Variants in KCNAB1 observed in about 807,000 individuals in gnomAD.
KCNAB1 encodes the protein potassium voltage-gated channel subfamily A regulatory beta subunit 1, also known as voltage-gated potassium channel subunit beta-1.
Under a neutral mutation model 64.6 loss-of-function variants are expected in KCNAB1, and 35 were observed. That is an observed-to-expected ratio of 0.54 (90% CI 0.41 to 0.72). The LOEUF is 0.72. Among genes scored for constraint, KCNAB1 ranks in the 30% least tolerant of loss-of-function variants. The pLI is 0.00. For missense variants in KCNAB1, 401 were observed against 512.9 expected (o/e 0.78, Z 2.11); for synonymous variants, 177 against 183.8 (o/e 0.96, Z 0.30).
intron 1 of KCNAB1, among the ~76,000 whole-genome samples, chr3:156,222,586 ATATATT>A (rs1467527162): frequency 6.6e-6 from 1 of 152,190 alleles, no homozygotes; most frequent in African/African-American, 2.4e-5. Context: ...GACTCAACAG[ATATATT>A]TATAGAACAT....
intron 1 of KCNAB1, among the ~76,000 whole-genome samples, chr3:156,184,099 G>A (rs1019274704): frequency 6.6e-6 from 1 of 152,120 alleles, no homozygotes; most frequent in African/African-American, 2.4e-5. Context: ...TACTATTATT[G>A]TACAAGTGGT....
chr3:156,382,036 G>A (rs899663106), intron 1 of KCNAB1: 10 of 152,294 alleles, frequency 6.6e-5, no homozygotes, highest in African/African-American at 2.4e-4. Context: ...CTGAAGAGCT[G>A]TGTGGCCCTA....
chr3:156,349,358 A>T (rs1724706471), intron 1 of KCNAB1, among the ~76,000 whole-genome samples: 1 of 152,184 alleles, frequency 6.6e-6, no homozygotes, highest in Non-Finnish European at 1.5e-5. Flanking sequence ...TAAACAGTTC[A>T]GTACAACTCC....
intron 1 of KCNAB1, among the ~76,000 whole-genome samples, chr3:156,234,948 A>G (rs1716764012): frequency 6.6e-6 from 1 of 152,074 alleles, no homozygotes; most frequent in Admixed American, 6.5e-5. Context: ...GTTAAATGTG[A>G]ATTTTCTAGT....
Position 156,241,917 on chromosome 3 carries a change from T to C in KCNAB1, c.275+121031T>C, listed in dbSNP as rs184475722. Among the ~76,000 whole-genome samples the C allele has an allele frequency of 9.8e-5, 15 of 152,322 alleles. 1 individual carries two copies. Among genetic ancestry groups the C allele is most frequent in the Admixed American group, 9.1e-4 (14 of 15,302 alleles). ...AACTGATTGGCTGGATCAAGTTATA[T>C]GTTGGAAATAATTTACCACTTCAGA... On this transcript the variant is annotated intron_variant, in intron 1 of 13. Coordinates refer to ENST00000490337, the MANE Select transcript of KCNAB1 (RefSeq NM_172160.3).
chr3:156,336,217 C>T (rs927149675), intron 1 of KCNAB1, among the ~76,000 whole-genome samples: 1 of 151,160 alleles, frequency 6.6e-6, no homozygotes, highest in African/African-American at 2.4e-5. Flanking sequence ...ACAAATTTAG[C>T]CAGATGTGGT....
At chr3:156,284,552 T>G (rs1389524590) in intron 1 of KCNAB1, among the ~76,000 whole-genome samples, 10 of 152,154 alleles carry the variant, frequency 6.6e-5, no homozygotes, top group South Asian at 4.2e-4. Flanking sequence ...AATGGCGGGC[T>G]CCCCTCCCCC....
rs1040497722 is a variant in KCNAB1 at position 156,209,719 on chromosome 3, A to G, written c.275+88833A>G. ...AAGGAAGTATGTTGTGTGGGGGCTG[A>G]CAAACATGCTCAATATTGGTGTGTC... is the stretch of plus-strand genomic sequence containing the variant. On this transcript the variant is annotated intron_variant, in intron 1 of 13. Coordinates refer to ENST00000490337, the MANE Select transcript of KCNAB1 (RefSeq NM_172160.3). Among the ~76,000 whole-genome samples, 7 of 152,354 alleles carry G rather than the reference A, an allele frequency of 4.6e-5. No individual in the cohort carries two copies. The South Asian group carries it at 6.2e-4, about 14-fold the overall frequency.
intron 1 of KCNAB1, among the ~76,000 whole-genome samples, chr3:156,234,796 A>C (rs1216682441): frequency 6.6e-6 from 1 of 152,192 alleles, no homozygotes; most frequent in Non-Finnish European, 1.5e-5. Context: ...AGTTAGATGT[A>C]TACAGAGTTA....
chr3:156,330,251 G>A (rs137958772), intron 1 of KCNAB1, among the ~76,000 whole-genome samples: 119 of 152,166 alleles, frequency 7.8e-4, no homozygotes, highest in African/African-American at 2.7e-3. Context: ...TCAGCTAAAT[G>A]CATATCCTTA....
rs536503139 is a variant in KCNAB1, at chr3:156,297,471, A to G, written c.276-124145A>G. Among the ~76,000 whole-genome samples, 12 of 151,780 alleles carry G rather than the reference A, an allele frequency of 7.9e-5. No individual in the cohort carries two copies. In the East Asian group the frequency reaches 2.1e-3, roughly 27 times the overall value. On this transcript the variant is annotated intron_variant, in intron 1 of 13. Transcript: ENST00000490337. ...TCTGTTAAGAAAGGATTAATCTGGC[A>G]GTTGTTCCAGAAAAAAAAAAATTAA...
In KCNAB1 at chr3:156,536,506, C is replaced by T. The variant is rs376574035; in HGVS notation, c.1171-152C>T. ...AAGGCCCCTGACCTCAAGGAGCTTA[C>T]AATGTGATGGTGTTGGGGGCGGGGG... is the stretch of plus-strand genomic sequence containing the variant. On this transcript the variant is annotated intron_variant, in intron 13 of 13. Coordinates refer to ENST00000490337, the MANE Select transcript of KCNAB1 (RefSeq NM_172160.3). 17 of 637,610 alleles carry T rather than the reference C, an allele frequency of 2.7e-5. No homozygotes were observed. In the African/African-American group the frequency reaches 3.1e-4, roughly 12 times the overall value. 39.5% of individuals were successfully genotyped at this position (637,610 alleles called of 1,614,324 possible). A position where few individuals can be genotyped will look rare whatever the true frequency, so the allele number is the denominator to read the frequency against.
At chr3:156,538,960 T>G (rs916676166), downstream of KCNAB1, 1 of 152,232 alleles carries the variant, frequency 6.6e-6, no homozygotes, top group African/African-American at 2.4e-5. Context: ...ATGGCTTAGC[T>G]GTGGGAACAG....
At chr3:156,280,283 T>G (rs1176202987) in intron 1 of KCNAB1, among the ~76,000 whole-genome samples, 17 of 148,552 alleles carry the variant, frequency 1.1e-4, no homozygotes, top group Non-Finnish European at 2.6e-4. Flanking sequence ...GTTGTAGATA[T>G]GCGGCGTTAT....
intron 7 of KCNAB1, among the ~76,000 whole-genome samples, chr3:156,468,113 T>C (rs1713561675): frequency 6.6e-6 from 1 of 152,168 alleles, no homozygotes; most frequent in South Asian, 2.1e-4. Flanking sequence ...AACTTTTTTC[T>C]CTCCTTGAAC....
chr3:156,515,369 T>C (rs1176452748), intron 10 of KCNAB1, 149 bp downstream of exon 10: 6 of 715,074 alleles, frequency 8.4e-6, no homozygotes, highest in Middle Eastern at 3.3e-4. Context: ...CCAGAGATTG[T>C]AGCAGAATCA....
Position 156,246,648 on chromosome 3 carries a change from AAAC to A in KCNAB1, c.275+125763_275+125765del, listed in dbSNP as rs1235016454. On this transcript the variant is annotated intron_variant, in intron 1 of 13. Coordinates refer to ENST00000490337, the MANE Select transcript of KCNAB1 (RefSeq NM_172160.3). ...AAAAAAAGCAGCAAAAAAAAAAAAA[AAAC>A]CCAACATTTTATGTTAGTCATTTAT... Among the ~76,000 whole-genome samples, 4 of 151,976 alleles carry A rather than the reference AAAC, an allele frequency of 2.6e-5. No homozygotes were observed. The East Asian group carries it at 5.8e-4, about 22-fold the overall frequency.
intron 1 of KCNAB1, among the ~76,000 whole-genome samples, chr3:156,192,848 A>T (rs77567157): frequency 6.6e-6 from 1 of 151,990 alleles, no homozygotes; most frequent in East Asian, 1.9e-4. Flanking sequence ...ATATTTTTCA[A>T]TCCTTTTAGT....
intron 1 of KCNAB1, among the ~76,000 whole-genome samples, chr3:156,283,558 T>C (rs1304057057): frequency 6.6e-6 from 1 of 151,444 alleles, no homozygotes; most frequent in Non-Finnish European, 1.5e-5. Flanking sequence ...TCCTGCAGAG[T>C]GTTTTCCAAG....
Sources: allele counts gnomAD v4.1 joint callset (sites outside exome capture counted in the v4.1 genomes callset), GRCh38; gene constraint gnomAD v4.1.1; transcripts MANE v1.5; gene names NCBI Gene and HGNC (gene_info 2026-07-23, HGNC 2026-07-21).